Variants in PNLDC1 observed in about 807,000 individuals in gnomAD.
PNLDC1 encodes poly(A)-specific ribonuclease PNLDC1.
In PNLDC1, 70 loss-of-function variants were observed where a neutral mutation model predicts 82.0. The observed-to-expected ratio is 0.85, with a 90% CI of 0.70 to 1.04. The LOEUF is 1.04. Ranked by LOEUF, PNLDC1 falls within the 50% of genes least tolerant of loss-of-function variation. PNLDC1 has a pLI of 0.00. For synonymous variants in PNLDC1, 280 were observed against 249.3 expected, an observed-to-expected ratio of 1.12 and a Z score of -1.16; for missense variants, 631 against 661.1, an observed-to-expected ratio of 0.95 and a Z score of 0.50.
intron 7 of PNLDC1, among the ~76,000 whole-genome samples, chr6:159,807,043 C>T (rs1025630193): frequency 6.6e-6 from 1 of 152,108 alleles, no homozygotes; most frequent in Non-Finnish European, 1.5e-5. Context: ...CAGGTGCCTG[C>T]CACCATGCCC....
At chr6:159,816,380 A>G (rs1173721858) in intron 13 of PNLDC1, among the ~76,000 whole-genome samples, 163 bp from the exon 14 acceptor site, 2 of 150,734 alleles carry the variant, frequency 1.3e-5, no homozygotes, top group African/African-American at 4.9e-5. Flanking sequence ...GGCTTTCTCC[A>G]CCGTGGGGAG....
In PNLDC1 at chr6:159,800,373, C is replaced by G. The variant is rs1274757958; in HGVS notation, c.66C>G (p.Ala22=). The G allele has an allele frequency of 1.1e-5, 17 of 1,547,972 alleles. No individual in the cohort carries two copies. Among genetic ancestry groups the G allele is most frequent in the Non-Finnish European group, 1.4e-5 (16 of 1,146,378 alleles). Reference sequence around the variant, plus strand: ...TGCTGCAGGAGCTCGTCCAGGAGGCCGACTTCGTGGGTGAAGAGCCTGGGA... The same window carrying G: ...TGCTGCAGGAGCTCGTCCAGGAGGCGGACTTCGTGGGTGAAGAGCCTGGGA... The part of the protein sequence containing the change: ...LPLLQELVQE[A]DFVGLDIEFT... Residue 22 remains alanine, a synonymous_variant, in exon 1 of 19, where the codon GCC becomes GCG. Coordinates refer to ENST00000392167, the MANE Select transcript of PNLDC1 (RefSeq NM_001271862.2).
intron 15 of PNLDC1, among the ~76,000 whole-genome samples, chr6:159,818,224 AG>A (rs1440560927): frequency 1.3e-5 from 2 of 152,140 alleles, no homozygotes; most frequent in African/African-American, 2.4e-5. Context: ...TGTCTTACCA[AG>A]GGGGGACAGC....
At position 159,805,971 on chromosome 6, in the gene PNLDC1, G is replaced by C. The variant is rs200911292; in HGVS notation, c.462-12G>C. On this transcript the variant is annotated splice_polypyrimidine_tract_variant and intron_variant, in intron 6 of 18. Transcript: ENST00000392167. ...TTCTCTGACATGTTCACTTTCATGC[G>C]CCCATTTTCAGCTCTCCGGATAAAG... The C allele has an allele frequency of 8.1e-6, 13 of 1,605,160 alleles. No homozygotes were observed. The African/African-American group carries it at 1.5e-4, about 18-fold the overall frequency.
At chr6:159,804,389 C>T (rs1781372669) in intron 5 of PNLDC1, among the ~76,000 whole-genome samples, 160 bp from the exon 6 acceptor site, 1 of 152,202 alleles carries the variant, frequency 6.6e-6, no homozygotes, top group African/African-American at 2.4e-5. Flanking sequence ...TAGGCATGAG[C>T]CACCGCACCC....
intron 16 of PNLDC1, 54 bp from the exon 17 acceptor site, chr6:159,818,892 A>G (rs997324676): frequency 2.5e-6 from 4 of 1,576,304 alleles, no homozygotes; most frequent in African/African-American, 2.7e-5. Context: ...TTCAGACTGG[A>G]TAAGAAGTCA....
intron 11 of PNLDC1, 135 bp downstream of exon 11, chr6:159,811,921 A>G (rs1454747153): frequency 2.9e-6 from 2 of 696,174 alleles, no homozygotes; most frequent in Non-Finnish European, 2.3e-6. Flanking sequence ...TTTGTTTGAG[A>G]GGGAGTCTTG....
chr6:159,811,834 G>C (rs1384283110), intron 11 of PNLDC1, 48 bp downstream of exon 11: 1 of 1,307,798 alleles, frequency 7.6e-7, no homozygotes, highest in South Asian at 1.2e-5. Flanking sequence ...TTCCATACCA[G>C]TAACACTTAG....
chr6:159,818,841 C>T, intron 16 of PNLDC1, 105 bp from the exon 17 acceptor site: 1 of 1,369,542 alleles, frequency 7.3e-7, no homozygotes, highest in Non-Finnish European at 1.0e-6. Flanking sequence ...CTCTTCCCCT[C>T]CCTGCCCCAA....
chr6:159,815,570 T>C (rs113976111), intron 12 of PNLDC1, among the ~76,000 whole-genome samples: 2,320 of 152,328 alleles, frequency 0.015, 61 homozygotes, highest in African/African-American at 0.054. Flanking sequence ...CCATGAGTGC[T>C]GTCTGCCTCC....
chr6:159,801,107 TCA>T lies in PNLDC1; in HGVS notation c.135-3_135-2del, dbSNP rs779699719. ...CTCGTGGAATGAGATGCCTGTTTGT[TCA>T]CAGTCTTTTTGATTTGCCATCGGAG... On this transcript the variant is annotated splice_region_variant and splice_polypyrimidine_tract_variant and intron_variant, in intron 2 of 18. Transcript: ENST00000392167. The T allele has an allele frequency of 6.8e-6, 11 of 1,614,028 alleles. No homozygotes were observed. The highest frequency in any genetic ancestry group is 2.7e-5 in the African/African-American group (2 of 74,920).
chr6:159,820,499 T>C lies in PNLDC1; in HGVS notation c.1578T>C (p.Leu526=). 1 of 1,614,152 alleles carries C rather than the reference T, an allele frequency of 6.2e-7. No homozygotes were observed. The highest frequency in any genetic ancestry group is 8.5e-7 in the Non-Finnish European group (1 of 1,180,028). Residue 526 remains leucine (L), a synonymous_variant, in exon 19 of 19, where the codon CTT becomes CTC. Coordinates refer to ENST00000392167, the MANE Select transcript of PNLDC1 (RefSeq NM_001271862.2). ...VTAWALLAFI[L]GRSGT ...CCTGGGCCCTTCTCGCGTTCATCCT[T>C]GGAAGATCTGGTACCTGAGTGCAGC...
intron 3 of PNLDC1, among the ~76,000 whole-genome samples, chr6:159,802,590 G>A (rs1489237683): frequency 2.6e-5 from 4 of 151,642 alleles, no homozygotes; most frequent in Non-Finnish European, 5.9e-5. Context: ...AATTTGTTTG[G>A]GGGGAAGGGG....
chr6:159,807,399 A>G (rs1166952893), intron 7 of PNLDC1, among the ~76,000 whole-genome samples: 2 of 50,558 alleles, frequency 4.0e-5, no homozygotes, highest in African/African-American at 4.0e-5. Context: ...GTTTCAAAGG[A>G]AAAAAAAAAG....
At position 159,809,293 on chromosome 6, in the gene PNLDC1, T is replaced by C. The variant is rs573160178; in HGVS notation, c.783+135T>C. On this transcript the variant is annotated intron_variant, in intron 9 of 18. Transcript: ENST00000392167. ...TCCTTCTCATGAATTTTTTCATGTT[T>C]TACTTTCAGATAGGGTCTCACCTGT... The C allele has an allele frequency of 5.0e-6, 6 of 1,209,462 alleles. No homozygotes were observed. The Admixed American group carries it at 1.3e-4, about 27-fold the overall frequency. The allele number at this position is 1,209,462 out of a possible 1,614,324, so 74.9% of individuals were successfully genotyped here. A position where few individuals can be genotyped will look rare whatever the true frequency, so the allele number is the denominator to read the frequency against.
At chr6:159,809,331 A>G (rs1305915579) in intron 9 of PNLDC1, among the ~76,000 whole-genome samples, 173 bp downstream of exon 9, 1 of 152,160 alleles carries the variant, frequency 6.6e-6, no homozygotes, top group African/African-American at 2.4e-5. Flanking sequence ...CCCAGGCAGG[A>G]AGGAGTGCAG....
At chr6:159,813,707 C>T in intron 12 of PNLDC1, 51 bp downstream of exon 12, 1 of 1,542,412 alleles carries the variant, frequency 6.5e-7, no homozygotes, top group Non-Finnish European at 9.0e-7. Flanking sequence ...TGGTGGCCTC[C>T]CTGTGCTCCG....
chr6:159,813,402 C>A (rs1781706680), intron 11 of PNLDC1, among the ~76,000 whole-genome samples, 199 bp from the exon 12 acceptor site: 1 of 151,934 alleles, frequency 6.6e-6, no homozygotes, highest in Non-Finnish European at 1.5e-5. Flanking sequence ...TTTTGAGAGT[C>A]CTTCTAGGAA....
At chr6:159,804,119 T>G in intron 5 of PNLDC1, 31 bp downstream of exon 5, 1 of 1,608,480 alleles carries the variant, frequency 6.2e-7, no homozygotes, top group Non-Finnish European at 8.5e-7. Context: ...AACGGGAATG[T>G]CTTTTGTTTG....
Sources: allele counts gnomAD v4.1 joint callset (sites outside exome capture counted in the v4.1 genomes callset), GRCh38; gene constraint gnomAD v4.1.1; transcripts MANE v1.5; gene names NCBI Gene and HGNC (gene_info 2026-07-23, HGNC 2026-07-21).